Variants in SCFD2 observed in about 807,000 individuals in gnomAD.
SCFD2 encodes the protein sec1 family domain containing 2.
SCFD2 carries 54 observed loss-of-function variants against 58.9 expected under a neutral mutation model. The observed-to-expected ratio is 0.92, with a 90% confidence interval of 0.74 to 1.15. SCFD2 has a LOEUF of 1.15. SCFD2 is among the 50% of genes most tolerant of loss of function. The pLI, the probability that SCFD2 is intolerant of heterozygous loss-of-function variation, is 0.00. For synonymous variants in SCFD2, 321 were observed against 335.9 expected, an observed-to-expected ratio of 0.96 and a Z score of 0.49; for missense variants, 805 against 836.6, an observed-to-expected ratio of 0.96 and a Z score of 0.47.
chr4:53,015,178 T>A (rs768136727), intron 5 of SCFD2, among the ~76,000 whole-genome samples: 2 of 152,164 alleles, frequency 1.3e-5, no homozygotes, highest in Non-Finnish European at 2.9e-5. Flanking sequence ...TTTAAGGTAA[T>A]TTTAACAGAG....
At chr4:52,991,560 A>G (rs541788847) in intron 5 of SCFD2, among the ~76,000 whole-genome samples, 1 of 152,226 alleles carries the variant, frequency 6.6e-6, no homozygotes, top group Non-Finnish European at 1.5e-5. Context: ...CAAGACTGGC[A>G]CCCAGAGACA....
chr4:53,220,866 T>C (rs922553819), intron 4 of SCFD2, among the ~76,000 whole-genome samples: 1 of 152,244 alleles, frequency 6.6e-6, no homozygotes, highest in African/African-American at 2.4e-5. Context: ...TCAAATTACA[T>C]GCAGGGATAT....
At chr4:52,896,086 C>CA (rs1243385679) in intron 7 of SCFD2, among the ~76,000 whole-genome samples, 4 of 151,984 alleles carry the variant, frequency 2.6e-5, no homozygotes, top group African/African-American at 9.7e-5. Flanking sequence ...GAGTAGATTG[C>CA]AAAAATTTTC....
intron 5 of SCFD2, among the ~76,000 whole-genome samples, chr4:52,921,411 T>G (rs1326675054): frequency 6.6e-6 from 1 of 152,228 alleles, no homozygotes; most frequent in Non-Finnish European, 1.5e-5. Flanking sequence ...GACGGTTTTC[T>G]GCAACCTTCT....
chr4:53,202,691 T>C (rs1179136439), intron 4 of SCFD2, among the ~76,000 whole-genome samples: 3 of 152,186 alleles, frequency 2.0e-5, no homozygotes, highest in Non-Finnish European at 4.4e-5. Flanking sequence ...TTGTATCCTC[T>C]TTTATTTCAT....
At chr4:53,132,070 C>T (rs1725800427) in intron 5 of SCFD2, among the ~76,000 whole-genome samples, 1 of 152,094 alleles carries the variant, frequency 6.6e-6, no homozygotes, top group South Asian at 2.1e-4. Context: ...TGTGATGTGG[C>T]ATGGAAAAAT....
chr4:53,180,973 A>T (rs967631107), intron 4 of SCFD2, among the ~76,000 whole-genome samples: 10 of 152,226 alleles, frequency 6.6e-5, no homozygotes, highest in African/African-American at 2.4e-4. Flanking sequence ...GAATCTCTGA[A>T]TAGACCAATA....
At chr4:53,286,085 C>T (rs1354862177) in intron 3 of SCFD2, among the ~76,000 whole-genome samples, 1 of 152,140 alleles carries the variant, frequency 6.6e-6, no homozygotes, top group Non-Finnish European at 1.5e-5. Flanking sequence ...ACCACATTCA[C>T]GTACACAGAA....
chr4:53,328,795 G>A (rs868475228), intron 2 of SCFD2, among the ~76,000 whole-genome samples: 8 of 152,260 alleles, frequency 5.3e-5, no homozygotes, highest in South Asian at 2.1e-4. Flanking sequence ...CGTGAGTGAC[G>A]CAGAAGACAG....
intron 5 of SCFD2, among the ~76,000 whole-genome samples, chr4:53,080,972 A>ATTTTT (rs1724130307): frequency 6.6e-6 from 1 of 152,200 alleles, no homozygotes; most frequent in Admixed American, 6.5e-5. Context: ...AAAATTGTAC[A>ATTTTT]TCTTAAAGTA....
chr4:53,012,837 T>TGTGTGTG (rs1254837162), intron 5 of SCFD2, among the ~76,000 whole-genome samples: 1 of 114,756 alleles, frequency 8.7e-6, no homozygotes, highest in African/African-American at 4.1e-5. Flanking sequence ...TGTGTGTGTG[T>TGTGTGTG]TTTTTTTTAA....
At chr4:53,192,966 TAA>T (rs1219330777) in intron 4 of SCFD2, among the ~76,000 whole-genome samples, 1 of 152,132 alleles carries the variant, frequency 6.6e-6, no homozygotes, top group Non-Finnish European at 1.5e-5. Context: ...TTATGAAGCC[TAA>T]GATTACATAC....
intron 3 of SCFD2, among the ~76,000 whole-genome samples, chr4:53,301,119 T>C (rs922060558): frequency 2.0e-5 from 3 of 151,746 alleles, no homozygotes; most frequent in African/African-American, 4.8e-5. Flanking sequence ...CTGAAGGAAA[T>C]AGAGACACAA....
chr4:52,920,613 C>A (rs1292860183), intron 6 of SCFD2, 112 bp downstream of exon 6: 10 of 670,628 alleles, frequency 1.5e-5, no homozygotes, highest in Non-Finnish European at 2.3e-5. Flanking sequence ...TGGAGATCAT[C>A]TAGAACAAAC....
chr4:52,990,096 T>C (rs1475139184), intron 5 of SCFD2, among the ~76,000 whole-genome samples: 1 of 152,234 alleles, frequency 6.6e-6, no homozygotes, highest in Non-Finnish European at 1.5e-5. Context: ...CAGCAGCAAA[T>C]GTAACATGCT....
intron 5 of SCFD2, among the ~76,000 whole-genome samples, chr4:52,925,790 C>A (rs1256732524): frequency 6.6e-6 from 1 of 152,134 alleles, no homozygotes; most frequent in Non-Finnish European, 1.5e-5. Context: ...ACTTCAGTTG[C>A]CCACTTCTTG....
chr4:53,334,289 G>T (rs1260926916), intron 2 of SCFD2, among the ~76,000 whole-genome samples: 1 of 152,098 alleles, frequency 6.6e-6, no homozygotes, highest in Non-Finnish European at 1.5e-5. Context: ...CTGCTATAAA[G>T]ACACAAGCAC....
intron 5 of SCFD2, among the ~76,000 whole-genome samples, chr4:53,031,595 C>A (rs777463796): frequency 6.6e-6 from 1 of 152,082 alleles, no homozygotes; most frequent in Non-Finnish European, 1.5e-5. Context: ...ACATAAATGA[C>A]CTGATGTAGA....
intron 2 of SCFD2, among the ~76,000 whole-genome samples, chr4:53,323,558 C>CTTTTTTTTTTGTTTTTTTT (rs1491246325): frequency 1.5e-5 from 1 of 65,732 alleles, no homozygotes; most frequent in Non-Finnish European, 3.0e-5. Context: ...TTTTTTTTTA[C>CTTTTTTTTTTGTTTTTTTT]TTTTTGCGGA....
Sources: allele counts gnomAD v4.1 joint callset (sites outside exome capture counted in the v4.1 genomes callset), GRCh38; gene constraint gnomAD v4.1.1; transcripts MANE v1.5; gene names NCBI Gene and HGNC (gene_info 2026-07-23, HGNC 2026-07-21).